Variants in SLC5A5 observed in about 807,000 individuals in gnomAD.
SLC5A5 encodes sodium/iodide cotransporter.
Under a neutral mutation model 68.6 loss-of-function variants are expected in SLC5A5, and 56 were observed. The observed-to-expected ratio is 0.82, with a 90% CI of 0.66 to 1.02. The LOEUF is 1.02. Ranked by LOEUF, SLC5A5 falls within the 50% of genes least tolerant of loss-of-function variation. The probability of loss-of-function intolerance (pLI) is 0.00; values close to 1 mark genes in which losing one functional copy is unlikely to be tolerated. For missense variants in SLC5A5, 807 were observed against 859.8 expected (o/e 0.94, Z 0.77); for synonymous variants, 398 against 373.0 (o/e 1.07, Z -0.77).
At chr19:17,882,519 T>TC (rs2094323073) in intron 10 of SLC5A5, among the ~76,000 whole-genome samples, 1 of 144,186 alleles carries the variant, frequency 6.9e-6, no homozygotes, top group Admixed American at 6.9e-5. Context: ...TCTTTTTTCT[T>TC]TTTTTTTTTT....
In SLC5A5 at chr19:17,875,999, G is replaced by A. The variant is rs1033729870; in HGVS notation, c.591G>A (p.Val197=). 6.2e-7 allele frequency: 1 copy of A among 1,614,066 alleles called. No individual in the cohort carries two copies. The highest frequency in any genetic ancestry group is 1.3e-5 in the African/African-American group (1 of 74,934). The change falls in exon 5 of 15, where the codon GTG becomes GTA. Residue 197 remains valine, a synonymous_variant. Transcript: ENST00000222248. ...VVWTDVFQVV[V]MLSGFWVVLA... Reference sequence around the variant, plus strand: ...GGACTGATGTGTTCCAGGTCGTGGTGATGCTAAGTGGCTTCTGGGTTGTCC... The same window carrying A: ...GGACTGATGTGTTCCAGGTCGTGGTAATGCTAAGTGGCTTCTGGGTTGTCC...
At chr19:17,875,846 T>A (rs962255533) in intron 4 of SLC5A5, 106 bp from the exon 5 acceptor site, 1 of 956,294 alleles carries the variant, frequency 1.0e-6, no homozygotes, top group Non-Finnish European at 1.7e-6. Flanking sequence ...AATCCCACTT[T>A]AGAGAGGAGG....
chr19:17,874,837 G>C (rs1006097132), intron 4 of SLC5A5, 106 bp downstream of exon 4: 2 of 1,060,310 alleles, frequency 1.9e-6, no homozygotes, highest in Non-Finnish European at 2.9e-6. Context: ...CTCTGTCCCA[G>C]CTGGGACCCA....
rs910417682 is a variant in SLC5A5 at position 17,895,107 on chromosome 19, T to C, written c.*1230T>C. On this transcript the variant is annotated 3_prime_UTR_variant, in exon 15 of 15. Transcript: ENST00000222248. Reference sequence around the variant, plus strand: ...GCCTTTAGAGGGAACATGGCCCTACTGACACCTTGATGTCAGACTTCTGGC... The same window carrying C: ...GCCTTTAGAGGGAACATGGCCCTACCGACACCTTGATGTCAGACTTCTGGC... 6.6e-6 allele frequency: 1 copy of C among 151,882 alleles called. No homozygotes were observed. The highest frequency in any genetic ancestry group is 1.5e-5 in the Non-Finnish European group (1 of 67,986). 9.4% of individuals were successfully genotyped at this position (151,882 alleles called of 1,614,324 possible). A position where few individuals can be genotyped will look rare whatever the true frequency, so the allele number is the denominator to read the frequency against.
At chr19:17,882,121 T>A (rs774492517) in intron 9 of SLC5A5, 28 bp from the exon 10 acceptor site, 25 of 1,613,464 alleles carry the variant, frequency 1.5e-5, no homozygotes, top group Non-Finnish European at 2.1e-5. Context: ...TCCCTCCCCG[T>A]TGACCGTGCC....
chr19:17,877,959 C>T lies in SLC5A5; in HGVS notation c.840-5C>T. ...CCCTAAGCCTGAGGCTGCCTCTTCC[C>T]CCAGGGCCCTGCTCATCAACCAGGT... On this transcript the variant is annotated splice_region_variant and splice_polypyrimidine_tract_variant and intron_variant, in intron 6 of 14. Transcript: ENST00000222248. 1 of 1,613,648 alleles carries T rather than the reference C, an allele frequency of 6.2e-7. No homozygotes were observed. The highest frequency in any genetic ancestry group is 1.1e-5 in the South Asian group (1 of 91,084).
At chr19:17,880,494 C>T (rs1030569226) in intron 7 of SLC5A5, among the ~76,000 whole-genome samples, 6 of 152,168 alleles carry the variant, frequency 3.9e-5, no homozygotes, top group African/African-American at 7.2e-5. Context: ...GGATTACACG[C>T]GTGAGTCACC....
chr19:17,880,930 C>G lies in SLC5A5; in HGVS notation c.1035C>G (p.Ala345=). 1 of 1,613,934 alleles carries G rather than the reference C, an allele frequency of 6.2e-7. No homozygotes were observed. Among genetic ancestry groups the G allele is most frequent in the South Asian group, 1.1e-5 (1 of 91,082 alleles). Residue 345 remains alanine (A), a synonymous_variant, in exon 8 of 15, where the codon GCC becomes GCG. Coordinates refer to ENST00000222248, the MANE Select transcript of SLC5A5 (RefSeq NM_000453.3). ...CTGGAGTCCCCGGGCTTTTCCTGGC[C>G]TGTGCTTACAGTGGCACCCTCAGGT... ...DLPGVPGLFL[A]CAYSGTLSTA...
At chr19:17,876,426 CAAAA>C (rs60457185) in intron 5 of SLC5A5, among the ~76,000 whole-genome samples, 3 of 87,396 alleles carry the variant, frequency 3.4e-5, no homozygotes, top group African/African-American at 4.2e-5. Flanking sequence ...GACCCTGTCT[CAAAA>C]AAAAAAAAAA....
chr19:17,883,818 CT>C, intron 11 of SLC5A5, 31 bp from the exon 12 acceptor site: 1 of 1,606,924 alleles, frequency 6.2e-7, no homozygotes, highest in Admixed American at 1.7e-5. Context: ...GGACAGGCCC[CT>C]CCCCTTCCCT....
At position 17,876,317 on chromosome 19, in the gene SLC5A5, G is replaced by A. The variant is rs113344676; in HGVS notation, c.698+211G>A. ...GGTGGTGCACCTGTGGTCCCAGGTA[G>A]TTGAGAGGCTGAGGCTGGAGGATTG... is the stretch of plus-strand genomic sequence containing the variant. On this transcript the variant is annotated intron_variant, in intron 5 of 14. Coordinates refer to ENST00000222248, the MANE Select transcript of SLC5A5 (RefSeq NM_000453.3). Among the ~76,000 whole-genome samples, 627 of 151,678 alleles carry A rather than the reference G, an allele frequency of 4.1e-3. 2 individuals carry two copies. Among genetic ancestry groups the A allele is most frequent in the African/African-American group, 0.014 (580 of 41,332 alleles).
At chr19:17,882,331 C>A in intron 10 of SLC5A5, 112 bp downstream of exon 10, 1 of 825,592 alleles carries the variant, frequency 1.2e-6, no homozygotes, top group East Asian at 2.6e-5. Flanking sequence ...GCAGAACTCA[C>A]TTCTATGTTT....
intron 13 of SLC5A5, among the ~76,000 whole-genome samples, chr19:17,889,007 T>C (rs1270045680): frequency 6.6e-6 from 1 of 151,830 alleles, no homozygotes; most frequent in Non-Finnish European, 1.5e-5. Flanking sequence ...CACACTTTTA[T>C]GTGTATATAT....
At chr19:17,892,652 C>CACAGAG (rs2030219120) in intron 14 of SLC5A5, among the ~76,000 whole-genome samples, 2 of 97,338 alleles carry the variant, frequency 2.1e-5, no homozygotes, top group African/African-American at 3.5e-5. Context: ...AAAGAAAAGA[C>CACAGAG]AGAGAGAGAG....
intron 7 of SLC5A5, 101 bp from the exon 8 acceptor site, chr19:17,880,764 C>T: frequency 2.4e-6 from 2 of 833,234 alleles, no homozygotes; most frequent in Non-Finnish European, 4.2e-6. Context: ...ACTCTGAGCC[C>T]TGTCCGTCTT....
chr19:17,881,897 G>T, intron 8 of SLC5A5, 63 bp from the exon 9 acceptor site: 2 of 1,313,572 alleles, frequency 1.5e-6, no homozygotes, highest in East Asian at 2.3e-5. Context: ...GGTCTGGCAG[G>T]CCAGATGGTG....
At chr19:17,891,488 G>A (rs2030169040) in intron 14 of SLC5A5, among the ~76,000 whole-genome samples, 1 of 152,072 alleles carries the variant, frequency 6.6e-6, no homozygotes. Context: ...TGACAGGCAT[G>A]AGCCACCGAG....
chr19:17,891,034 G>A, intron 14 of SLC5A5, 33 bp downstream of exon 14: 2 of 1,366,620 alleles, frequency 1.5e-6, no homozygotes, highest in African/African-American at 2.8e-5. Flanking sequence ...AGATCTAGAG[G>A]CAGCCAAGTG....
At chr19:17,888,510 A>C (rs1193578239) in intron 13 of SLC5A5, 55 bp downstream of exon 13, 1 of 1,604,422 alleles carries the variant, frequency 6.2e-7, no homozygotes, top group Admixed American at 1.7e-5. Context: ...TCTCTGCCTC[A>C]AGGCTCCACC....
Sources: allele counts gnomAD v4.1 joint callset (sites outside exome capture counted in the v4.1 genomes callset), GRCh38; gene constraint gnomAD v4.1.1; transcripts MANE v1.5; gene names NCBI Gene and HGNC (gene_info 2026-07-23, HGNC 2026-07-21).